Variants in RBPJ observed in about 807,000 individuals in gnomAD.
The protein encoded by RBPJ is recombining binding protein suppressor of hairless.
A neutral mutation model predicts 67.8 loss-of-function variants in RBPJ; 9 were observed. The ratio of observed to expected loss-of-function variants is 0.13; its 90% CI spans 0.08 to 0.23. RBPJ has a LOEUF of 0.23. Among genes scored for constraint, RBPJ ranks in the 10% least tolerant of loss-of-function variants. The pLI is 1.00. For missense variants in RBPJ, 305 were observed against 595.6 expected (o/e 0.51, Z 5.08); for synonymous variants, 198 against 203.3 (o/e 0.97, Z 0.22).
At chr4:26,144,570 T>C in the RBPJ span, among the ~76,000 whole-genome samples, 1 of 152,178 alleles carries the variant, frequency 6.6e-6, no homozygotes, top group Non-Finnish European at 1.5e-5. Flanking sequence ...GCACCCAGCC[T>C]AAAAATTCTT....
intron 1 of RBPJ, among the ~76,000 whole-genome samples, chr4:26,244,288 T>TATACAC (rs1560226157): frequency 4.0e-5 from 6 of 149,238 alleles, no homozygotes; most frequent in South Asian, 4.2e-4. Flanking sequence ...TGTGTATATG[T>TATACAC]ATACACATAT....
chr4:26,164,864 C>T (rs1250042779), intron 1 of RBPJ, among the ~76,000 whole-genome samples: 1 of 152,072 alleles, frequency 6.6e-6, no homozygotes, highest in Non-Finnish European at 1.5e-5. Context: ...GTTTTGTAGA[C>T]CACCAGAAGT....
chr4:26,122,703 A>G, the RBPJ span, among the ~76,000 whole-genome samples: 1 of 152,330 alleles, frequency 6.6e-6, no homozygotes, highest in African/African-American at 2.4e-5. Context: ...TAATATTTTG[A>G]TATACATATG....
intron 1 of RBPJ, among the ~76,000 whole-genome samples, chr4:26,295,371 T>G (rs1721836840): frequency 6.6e-6 from 1 of 152,116 alleles, no homozygotes; most frequent in Non-Finnish European, 1.5e-5. Flanking sequence ...ATGAATTGTT[T>G]TATCTCATTG....
At chr4:26,319,098 T>C (rs2109315426), upstream of RBPJ, among the ~76,000 whole-genome samples, 1 of 150,510 alleles carries the variant, frequency 6.6e-6, no homozygotes, top group African/African-American at 2.4e-5. Flanking sequence ...CCAGACTAGG[T>C]GACTCAAGGC....
chr4:26,366,434 A>AT (rs1199726498), intron 1 of RBPJ, among the ~76,000 whole-genome samples: 1 of 151,730 alleles, frequency 6.6e-6, no homozygotes, highest in South Asian at 2.1e-4. Flanking sequence ...ATTTTTATTT[A>AT]TTTTTTTGAG....
chr4:26,247,565 C>T (rs1421131675), intron 1 of RBPJ, among the ~76,000 whole-genome samples: 4 of 152,112 alleles, frequency 2.6e-5, no homozygotes, highest in Non-Finnish European at 4.4e-5. Flanking sequence ...CATGCGCCAC[C>T]GCGTCCGGCT....
chr4:26,308,549 TGAAA>T (rs1221139224), intron 1 of RBPJ, among the ~76,000 whole-genome samples: 1 of 152,252 alleles, frequency 6.6e-6, no homozygotes, highest in Non-Finnish European at 1.5e-5. Context: ...CAGCAACTAT[TGAAA>T]GAGACAATGT....
intron 3 of RBPJ, among the ~76,000 whole-genome samples, chr4:26,412,706 G>A (rs898243947): frequency 6.6e-6 from 1 of 152,084 alleles, no homozygotes; most frequent in Admixed American, 6.5e-5. Flanking sequence ...AATTTACTAA[G>A]GAGTCTTAAC....
the RBPJ span, among the ~76,000 whole-genome samples, chr4:26,136,220 G>GAC: frequency 6.6e-6 from 1 of 152,140 alleles, no homozygotes; most frequent in Non-Finnish European, 1.5e-5. Flanking sequence ...TTTGGGTGGG[G>GAC]ACACAATGAA....
the RBPJ span, among the ~76,000 whole-genome samples, chr4:26,107,350 C>G: frequency 6.6e-6 from 1 of 152,168 alleles, no homozygotes; most frequent in Non-Finnish European, 1.5e-5. Context: ...CCTCTCAGGG[C>G]CCTGCTTCCA....
chr4:26,401,437 T>C (rs1577617669), intron 2 of RBPJ, among the ~76,000 whole-genome samples: 1 of 152,246 alleles, frequency 6.6e-6, no homozygotes, highest in South Asian at 2.1e-4. Context: ...CTCAAGGTCA[T>C]TGGTTATGTT....
chr4:26,117,722 G>T, the RBPJ span, among the ~76,000 whole-genome samples: 1 of 152,106 alleles, frequency 6.6e-6, no homozygotes, highest in African/African-American at 2.4e-5. Context: ...CCTGAAAATG[G>T]AGTTAAGGAG....
chr4:26,262,423 A>T (rs1323210265), intron 1 of RBPJ, among the ~76,000 whole-genome samples: 1 of 152,242 alleles, frequency 6.6e-6, no homozygotes, highest in African/African-American at 2.4e-5. Context: ...ATGCAAGATT[A>T]TCAGAGCAAA....
chr4:26,341,633 C>A (rs2667061), intron 1 of RBPJ, among the ~76,000 whole-genome samples: 63,736 of 140,212 alleles, frequency 0.45, 15,197 homozygotes, highest in Admixed American at 0.53. Flanking sequence ...CAAAACAAAA[C>A]AAAAAAAAAC....
At chr4:26,318,639 G>GTTTA (rs34245556), upstream of RBPJ, among the ~76,000 whole-genome samples, 5,493 of 152,104 alleles carry the variant, frequency 0.036, 112 homozygotes, top group Middle Eastern at 0.068. Context: ...GCGCAGAGCT[G>GTTTA]TTTATTTATT....
intron 3 of RBPJ, among the ~76,000 whole-genome samples, chr4:26,411,480 G>A (rs1734007589): frequency 6.6e-6 from 1 of 151,594 alleles, no homozygotes; most frequent in Admixed American, 6.6e-5. Context: ...GGATGTTTAA[G>A]GTATGATTTT....
At chr4:26,422,282 G>A (rs1463018777) in intron 5 of RBPJ, among the ~76,000 whole-genome samples, 3 of 151,532 alleles carry the variant, frequency 2.0e-5, no homozygotes, top group African/African-American at 7.3e-5. Context: ...CACCCATAAA[G>A]TTCCTCAGCA....
upstream of RBPJ, chr4:26,320,893 G>GAA (rs1722954457): frequency 6.3e-7 from 1 of 1,587,914 alleles, no homozygotes; most frequent in African/African-American, 1.3e-5. Flanking sequence ...TCGCGGCGGC[G>GAA]GCGAGGGGAA....
Sources: gnomAD v4.1 joint callset for allele counts (sites outside exome capture counted in the v4.1 genomes callset) on GRCh38, gnomAD v4.1.1 for gene constraint, MANE v1.5 for transcripts, NCBI Gene and HGNC (gene_info 2026-07-23, HGNC 2026-07-21) for gene names.